FGF12: variants seen among roughly 807,000 people sequenced by gnomAD.
FGF12 encodes fibroblast growth factor 12.
In FGF12, 14 loss-of-function variants were observed where a neutral mutation model predicts 23.6. That is an observed-to-expected ratio of 0.59 (90% CI 0.39 to 0.93). The LOEUF is 0.93. Ranked by LOEUF, FGF12 falls within the 40% of genes least tolerant of loss-of-function variation. FGF12 has a pLI of 0.00. For missense variants in FGF12, 175 were observed against 217.8 expected, an observed-to-expected ratio of 0.80 and a Z score of 1.24; for synonymous variants, 62 against 77.3, an observed-to-expected ratio of 0.80 and a Z score of 1.04.
At chr3:192,208,906 A>T (rs1717790043) in intron 4 of FGF12, among the ~76,000 whole-genome samples, 1 of 152,212 alleles carries the variant, frequency 6.6e-6, no homozygotes, top group Non-Finnish European at 1.5e-5. Flanking sequence ...TGTTCCTTGT[A>T]GTACCTTCAG....
intron 2 of FGF12, among the ~76,000 whole-genome samples, chr3:192,556,145 A>C (rs1325701257): frequency 6.6e-6 from 1 of 152,148 alleles, no homozygotes; most frequent in Non-Finnish European, 1.5e-5. Context: ...AACTAATAAA[A>C]TGGCAATCAT....
At chr3:192,509,233 C>T (rs1390438915) in intron 2 of FGF12, among the ~76,000 whole-genome samples, 1 of 152,218 alleles carries the variant, frequency 6.6e-6, no homozygotes, top group Non-Finnish European at 1.5e-5. Flanking sequence ...GGGTTCCCTT[C>T]TCTCTTCTGC....
chr3:192,227,831 A>G (rs1334129537), intron 4 of FGF12, among the ~76,000 whole-genome samples: 1 of 152,204 alleles, frequency 6.6e-6, no homozygotes, highest in Non-Finnish European at 1.5e-5. Context: ...TCAGCAAAAA[A>G]TAGAATTGAC....
chr3:192,144,108 TGG>T lies in FGF12; in HGVS notation c.445_446del (p.Pro149IlefsTer4). 1 of 1,612,454 alleles carries T rather than the reference TGG, an allele frequency of 6.2e-7. No individual in the cohort carries two copies. The highest frequency in any genetic ancestry group is 8.5e-7 in the Non-Finnish European group (1 of 1,178,522). On this transcript the variant is annotated frameshift_variant, in exon 6 of 6. Transcript: ENST00000445105. LOFTEE classifies it high-confidence loss of function. ...KPIEVCMYRE[P>X]SLHEIGEKQG... ...GTTTTTCTCCAATTTCATGTAGCGA[TGG>T]TTCTCTGTACATACACACTGAAAGG...
chr3:192,295,882 A>G (rs1715001219), intron 4 of FGF12, among the ~76,000 whole-genome samples: 1 of 151,386 alleles, frequency 6.6e-6, no homozygotes, highest in Non-Finnish European at 1.5e-5. Flanking sequence ...TTATTTTTAA[A>G]TTTTATTTTA....
chr3:192,257,935 T>C (rs982311918), intron 4 of FGF12, among the ~76,000 whole-genome samples: 6 of 151,038 alleles, frequency 4.0e-5, no homozygotes, highest in African/African-American at 1.2e-4. Flanking sequence ...TGTTTGAGAA[T>C]CAAACTCTTA....
At chr3:192,621,996 G>C (rs1055026336) in intron 2 of FGF12, among the ~76,000 whole-genome samples, 1 of 152,142 alleles carries the variant, frequency 6.6e-6, no homozygotes, top group African/African-American at 2.4e-5. Flanking sequence ...CTTTCCAGTT[G>C]TTGGTGAGTA....
At chr3:192,228,602 T>C (rs6803330) in intron 4 of FGF12, among the ~76,000 whole-genome samples, 19,298 of 152,020 alleles carry the variant, frequency 0.13, 1,843 homozygotes, top group African/African-American at 0.27. Context: ...CGGGTGATTT[T>C]TCCCTCAGAA....
At chr3:192,683,067 A>G (rs143713059) in intron 2 of FGF12, among the ~76,000 whole-genome samples, 1 of 152,328 alleles carries the variant, frequency 6.6e-6, no homozygotes, top group Non-Finnish European at 1.5e-5. Flanking sequence ...CCCTAATAAT[A>G]GAACTATAAT....
In FGF12 at chr3:192,336,839, G is replaced by A. The variant is rs1717440326; in HGVS notation, c.125-1375C>T. On this transcript the variant is annotated intron_variant, in intron 3 of 5. Coordinates refer to ENST00000445105, the MANE Select transcript of FGF12 (RefSeq NM_004113.6). This position sits in a 1 kb window ranked among gnomAD's most constrained non-coding sequence, Gnocchi z 4.3. ...CACAGTATTTGGCTTTCAGTCAAAT[G>A]TTCAATTGACAGTTGTAGAGGATCA... 6.6e-6 allele frequency among the ~76,000 whole-genome samples: 1 copy of A among 152,070 alleles called. No individual in the cohort carries two copies. Among genetic ancestry groups the A allele is most frequent in the South Asian group, 2.1e-4 (1 of 4,826 alleles).
intron 2 of FGF12, among the ~76,000 whole-genome samples, chr3:192,712,728 T>C (rs1165314026): frequency 1.3e-5 from 2 of 150,478 alleles, no homozygotes; most frequent in East Asian, 2.0e-4. Flanking sequence ...TTTTACTGTG[T>C]ATCCTTTTTT....
chr3:192,167,171 A>C (rs1715211065), intron 5 of FGF12, among the ~76,000 whole-genome samples: 1 of 151,808 alleles, frequency 6.6e-6, no homozygotes, highest in Admixed American at 6.5e-5. Context: ...ATCAAAAAAA[A>C]AAAAAAAAAA....
At chr3:192,653,860 G>A (rs1716301890) in intron 2 of FGF12, among the ~76,000 whole-genome samples, 1 of 152,080 alleles carries the variant, frequency 6.6e-6, no homozygotes, top group South Asian at 2.1e-4. Flanking sequence ...GATTACAGGT[G>A]CAAGCCACCA....
intron 4 of FGF12, among the ~76,000 whole-genome samples, chr3:192,314,533 C>G (rs547401678): frequency 6.6e-6 from 1 of 152,222 alleles, no homozygotes; most frequent in African/African-American, 2.4e-5. Flanking sequence ...AAGAGAAGTC[C>G]AAGCAAATGT....
At chr3:192,155,606 A>T (rs1004565086) in intron 5 of FGF12, among the ~76,000 whole-genome samples, 1 of 152,256 alleles carries the variant, frequency 6.6e-6, no homozygotes, top group East Asian at 1.9e-4. Context: ...CCTTTTGGCT[A>T]TGAACAAGTA....
At chr3:192,493,704 A>AG (rs923571519) in intron 2 of FGF12, among the ~76,000 whole-genome samples, 2 of 152,138 alleles carry the variant, frequency 1.3e-5, no homozygotes, top group African/African-American at 2.4e-5. Context: ...CCAGACCAGG[A>AG]GGAAGAGAGA....
At chr3:192,587,481 A>G (rs1368247072) in intron 2 of FGF12, among the ~76,000 whole-genome samples, 1 of 151,960 alleles carries the variant, frequency 6.6e-6, no homozygotes, top group Non-Finnish European at 1.5e-5. Flanking sequence ...ATGTTTACAT[A>G]TAATAACAAA....
At chr3:192,443,488 T>C (rs1722266039) in intron 2 of FGF12, among the ~76,000 whole-genome samples, 1 of 152,240 alleles carries the variant, frequency 6.6e-6, no homozygotes, top group Admixed American at 6.5e-5. Context: ...TGGAGAGCTT[T>C]GAATACCTAG....
At chr3:192,224,694 C>A (rs890581463) in intron 4 of FGF12, among the ~76,000 whole-genome samples, 2 of 151,846 alleles carry the variant, frequency 1.3e-5, no homozygotes, top group African/African-American at 4.8e-5. Flanking sequence ...TTATCATAGT[C>A]CTACCTCAGA....
Sources: allele counts gnomAD v4.1 joint callset (sites outside exome capture counted in the v4.1 genomes callset), GRCh38; gene constraint gnomAD v4.1.1; non-coding constraint Gnocchi (gnomAD v3.1); transcripts MANE v1.5; gene names NCBI Gene and HGNC (gene_info 2026-07-23, HGNC 2026-07-21).